CORO7: variants seen among roughly 807,000 people sequenced by gnomAD.
CORO7 encodes the protein coronin 7, also known as coronin-7.
CORO7 carries 107 observed loss-of-function variants against 126.6 expected under a neutral mutation model. The ratio of observed to expected loss-of-function variants is 0.85; its 90% CI spans 0.72 to 0.99. The LOEUF (loss-of-function observed/expected upper bound fraction) is 0.99, where lower values mean the gene tolerates loss of function less well. CORO7 is among the 50% of genes least tolerant of loss of function. The pLI is 0.00. For missense variants in CORO7, 1,314 were observed against 1,255.8 expected (o/e 1.05, Z -0.70); for synonymous variants, 603 against 536.8 (o/e 1.12, Z -1.70).
chr16:4,397,027 A>G lies in CORO7; in HGVS notation c.565-1688T>C, dbSNP rs1374691066. Among the ~76,000 whole-genome samples, 24 of 145,408 alleles carry G rather than the reference A, an allele frequency of 1.7e-4. No homozygotes were observed. In the South Asian group the frequency reaches 1.7e-3, roughly 10 times the overall value. On this transcript the variant is annotated intron_variant, in intron 6 of 27. Coordinates refer to ENST00000251166, the MANE Select transcript of CORO7 (RefSeq NM_024535.5). ...TGAGACTCAATCTCAAAAAAAAAAA[A>G]AAAGAAAGAAAGAAAGAAAAACAAC...
Position 4,359,774 on chromosome 16 carries a change from A to G in CORO7, c.2109-153T>C, listed in dbSNP as rs1365958706. On this transcript the variant is annotated intron_variant, in intron 21 of 27. Coordinates refer to ENST00000251166, the MANE Select transcript of CORO7 (RefSeq NM_024535.5). ...CAGCCACATCCTAACCTGCCCCTCC[A>G]CCTCTGGGTTCCCCATTGACTCTTT... is the stretch of plus-strand genomic sequence containing the variant. 6.0e-6 allele frequency: 6 copies of G among 1,003,780 alleles called. No individual in the cohort carries two copies. In the East Asian group the frequency reaches 1.3e-4, roughly 23 times the overall value. The allele number at this position is 1,003,780 out of a possible 1,614,324, so 62.2% of individuals were successfully genotyped here.
chr16:4,366,940 A>G (rs938662176), intron 9 of CORO7, among the ~76,000 whole-genome samples: 15 of 152,302 alleles, frequency 9.8e-5, no homozygotes, highest in African/African-American at 2.9e-4. Flanking sequence ...TGCCAGGGTC[A>G]GAGGTCACCC....
chr16:4,384,612 T>C (rs2055126838), intron 9 of CORO7, among the ~76,000 whole-genome samples: 1 of 152,128 alleles, frequency 6.6e-6, no homozygotes, highest in South Asian at 2.1e-4. Context: ...GGCGCGGGTG[T>C]TGATGTCAGT....
chr16:4,395,288 C>T lies in CORO7; in HGVS notation c.615+1G>A, dbSNP rs2055541672. The T allele has an allele frequency of 6.2e-7, 1 of 1,614,080 alleles. No homozygotes were observed. Among genetic ancestry groups the T allele is most frequent in the Non-Finnish European group, 8.5e-7 (1 of 1,180,014 alleles). ...CACCCCAGCTTGCCCACACAACTCACCTGAGAGGCCCGCGGCTTTGTTCTG... is the reference window on the plus strand; with the variant it reads ...CACCCCAGCTTGCCCACACAACTCATCTGAGAGGCCCGCGGCTTTGTTCTG... On this transcript the variant is annotated splice_donor_variant, in intron 7 of 27. Transcript: ENST00000251166. LOFTEE classifies it high-confidence loss of function.
rs774846116 is a variant in CORO7, at chr16:4,362,207, C to T, written c.1403-47G>A. 18 of 1,571,810 alleles carry T rather than the reference C, an allele frequency of 1.1e-5. 1 individual carries two copies. The highest frequency in any genetic ancestry group is 4.7e-5 in the South Asian group (4 of 85,764). The stretch of plus-strand genomic sequence containing the variant: ...GAACCACGTGTGAGGATGCCGTCCC[C>T]GCCCGCCCTGCACTCTTTGAGTCCC... On this transcript the variant is annotated intron_variant, in intron 15 of 27. Transcript: ENST00000251166. The surrounding 1 kb of genome is among the most constrained non-coding windows in gnomAD (Gnocchi z 5.3).
chr16:4,355,262 G>A (rs2053938323), intron 27 of CORO7, 24 bp downstream of exon 27: 1 of 1,612,538 alleles, frequency 6.2e-7, no homozygotes, highest in Admixed American at 1.7e-5. Flanking sequence ...TGCCTGCCGG[G>A]AAGTGAGGCC....
At chr16:4,402,495 C>A (rs940655799) in intron 6 of CORO7, among the ~76,000 whole-genome samples, 7 of 150,738 alleles carry the variant, frequency 4.6e-5, no homozygotes, top group African/African-American at 7.3e-5. Flanking sequence ...GATCCTCCCA[C>A]CTCGTCCTCC....
intron 21 of CORO7, among the ~76,000 whole-genome samples, chr16:4,359,968 A>G (rs868066637): frequency 0.012 from 635 of 51,466 alleles, 13 homozygotes; most frequent in African/African-American, 0.045. Context: ...CATCTCCCCT[A>G]CCCCCCTCAC....
intron 25 of CORO7, chr16:4,357,491 T>C (rs992463544): frequency 3.6e-5 from 17 of 476,228 alleles, no homozygotes; most frequent in Non-Finnish European, 4.7e-5. Context: ...TCTGGAGTAG[T>C]TGGGATTGCA....
At chr16:4,372,363 G>A (rs1326590198) in intron 9 of CORO7, among the ~76,000 whole-genome samples, 1 of 152,244 alleles carries the variant, frequency 6.6e-6, no homozygotes, top group Non-Finnish European at 1.5e-5. Context: ...ACAGGCTTGG[G>A]TCACTTTTCC....
intron 9 of CORO7, among the ~76,000 whole-genome samples, chr16:4,383,968 C>T (rs903907398): frequency 2.0e-5 from 3 of 152,190 alleles, no homozygotes; most frequent in Non-Finnish European, 4.4e-5. Context: ...TTCTCTACAG[C>T]GTCCCGGGAG....
At chr16:4,365,148 A>G (rs2054309197) in intron 10 of CORO7, 88 bp from the exon 11 acceptor site, 1 of 1,530,184 alleles carries the variant, frequency 6.5e-7, no homozygotes, top group Non-Finnish European at 8.8e-7. Context: ...CAGGTCCCCA[A>G]GGACCTGAGC....
intron 9 of CORO7, among the ~76,000 whole-genome samples, chr16:4,379,681 A>G (rs2054879785): frequency 6.6e-6 from 1 of 151,842 alleles, no homozygotes; most frequent in Admixed American, 6.6e-5. Context: ...AAGGACTTGC[A>G]CCATCACTGC....
rs2054120010 is a variant in CORO7 at position 4,360,277 on chromosome 16, C to T, written c.2108+1G>A. 1.2e-6 allele frequency: 2 copies of T among 1,613,398 alleles called. No individual in the cohort carries two copies. The highest frequency in any genetic ancestry group is 2.2e-5 in the South Asian group (2 of 91,090). On this transcript the variant is annotated splice_donor_variant, in intron 21 of 27. Transcript: ENST00000251166. LOFTEE classifies it high-confidence loss of function. ...GGGGATGGGGATGCCTGAGTCCTCACCTGTCAAAGCCAGACACCAGCAGAC... is the reference window on the plus strand; with the variant it reads ...GGGGATGGGGATGCCTGAGTCCTCATCTGTCAAAGCCAGACACCAGCAGAC...
chr16:4,380,893 C>G (rs946123024), intron 9 of CORO7: 2 of 1,545,158 alleles, frequency 1.3e-6, no homozygotes, highest in Admixed American at 1.9e-5. Context: ...CTCCAGGGTC[C>G]CTCTGCTGCT....
intron 6 of CORO7, among the ~76,000 whole-genome samples, chr16:4,404,756 C>T (rs2055934378): frequency 6.6e-6 from 1 of 152,126 alleles, no homozygotes; most frequent in Non-Finnish European, 1.5e-5. Context: ...CAAAGGTCTC[C>T]GCCACTCCCG....
rs2056044254 is a variant in CORO7 at position 4,407,517 on chromosome 16, C to T, written c.471G>A (p.Lys157=). The change falls in exon 5 of 28, where the codon AAG becomes AAA. Residue 157 remains lysine, a synonymous_variant. Transcript: ENST00000251166. ...GGCCTGTACCTGTCAGGGGCTGCTG[C>T]TTGGCTGCGTCCCAGACCTTCACAG... ...GTTVKVWDAA[K]QQPLTELAAH... 2 of 1,570,066 alleles carry T rather than the reference C, an allele frequency of 1.3e-6. No individual in the cohort carries two copies. Among genetic ancestry groups the T allele is most frequent in the African/African-American group, 1.4e-5 (1 of 73,738 alleles).
In CORO7 at chr16:4,358,460, C is replaced by G. The variant is rs151072609; in HGVS notation, c.2364G>C (p.Thr788=). The G allele has an allele frequency of 5.7e-5, 91 of 1,604,616 alleles. No individual in the cohort carries two copies. In the African/African-American group the frequency reaches 1.2e-3, roughly 21 times the overall value. ...PHKGLVLLPK[T]ECDVREVELM... Reference sequence around the variant, plus strand: ...GCTCCACTTCCCGCACGTCGCACTCCGTCTTAGGCAGGAGGACGAGGCCCT... The same window carrying G: ...GCTCCACTTCCCGCACGTCGCACTCGGTCTTAGGCAGGAGGACGAGGCCCT... Residue 788 remains threonine, a synonymous_variant, in exon 24 of 28, where the codon ACG becomes ACC. Transcript: ENST00000251166.
rs753499207 is a variant in CORO7 at position 4,416,416 on chromosome 16, C to T, written c.60+43G>A. ...CCGGGCAGGGGGAGGGGCAGCCGGA[C>T]GGGGCCCGAGGCGACAGCGCCCGGT... On this transcript the variant is annotated intron_variant, in intron 1 of 27. Transcript: ENST00000251166. The T allele has an allele frequency of 1.2e-5, 18 of 1,522,924 alleles. No individual in the cohort carries two copies. In the African/African-American group the frequency reaches 2.4e-4, roughly 21 times the overall value. The allele number at this position is 1,522,924 out of a possible 1,614,324, so 94.3% of individuals were successfully genotyped here.
Sources: allele counts gnomAD v4.1 joint callset (sites outside exome capture counted in the v4.1 genomes callset), GRCh38; gene constraint gnomAD v4.1.1; non-coding constraint Gnocchi (gnomAD v3.1); transcripts MANE v1.5; gene names NCBI Gene and HGNC (gene_info 2026-07-23, HGNC 2026-07-21).